Variants in ORC5 observed in about 807,000 individuals in gnomAD.
ORC5 encodes the protein protein phosphatase 1, regulatory subunit 117.
In ORC5, 39 loss-of-function variants were observed where a neutral mutation model predicts 58.8. That is an observed-to-expected ratio of 0.66 (90% confidence interval 0.51 to 0.87). The LOEUF is 0.87. Among genes scored for constraint, ORC5 ranks in the 40% least tolerant of loss-of-function variants. The pLI is 0.00. For missense variants in ORC5, 493 were observed against 506.3 expected, an observed-to-expected ratio of 0.97 and a Z score of 0.25; for synonymous variants, 218 against 177.6, an observed-to-expected ratio of 1.23 and a Z score of -1.81.
At chr7:104,186,161 A>G (rs1452108933) in intron 6 of ORC5, among the ~76,000 whole-genome samples, 2 of 151,814 alleles carry the variant, frequency 1.3e-5, no homozygotes, top group Non-Finnish European at 2.9e-5. Context: ...TAAACAACTG[A>G]CCCTTGAACG....
At chr7:104,164,015 T>C (rs1039780415) in intron 11 of ORC5, among the ~76,000 whole-genome samples, 1 of 152,232 alleles carries the variant, frequency 6.6e-6, no homozygotes, top group Non-Finnish European at 1.5e-5. Flanking sequence ...TGAATAAGGC[T>C]GTTAATCATG....
chr7:104,149,422 TTGTCAAGCTCAAAG>T, intron 12 of ORC5, among the ~76,000 whole-genome samples: 1 of 152,210 alleles, frequency 6.6e-6, no homozygotes. Flanking sequence ...CTTGTCCGTT[TTGTCAAGCTCAAAG>T]TCAAATGAAT....
At chr7:104,163,555 C>T (rs1174476751) in intron 11 of ORC5, among the ~76,000 whole-genome samples, 4 of 152,292 alleles carry the variant, frequency 2.6e-5, no homozygotes, top group African/African-American at 9.6e-5. Context: ...AGCGTGATCT[C>T]GGCTCACTGC....
Position 104,171,420 on chromosome 7 carries a change from G to A in ORC5, c.825-2895C>T, listed in dbSNP as rs562640497. 2.6e-5 allele frequency among the ~76,000 whole-genome samples: 4 copies of A among 152,300 alleles called. No individual in the cohort carries two copies. The East Asian group carries it at 7.7e-4, about 29-fold the overall frequency. Reference sequence around the variant, plus strand: ...AATGGCACAATTACTTAATTCTAAAGTGCTCCCTTCTGGAAAAATAATGAA... The same window carrying A: ...AATGGCACAATTACTTAATTCTAAAATGCTCCCTTCTGGAAAAATAATGAA... On this transcript the variant is annotated intron_variant, in intron 8 of 13. Transcript: ENST00000297431.
chr7:104,149,246 C>T (rs1798808185), intron 12 of ORC5, among the ~76,000 whole-genome samples: 2 of 151,988 alleles, frequency 1.3e-5, no homozygotes, highest in African/African-American at 4.8e-5. Context: ...TTCTGAAACA[C>T]TAGAATCATT....
At chr7:104,139,641 C>T (rs1195667198) in intron 12 of ORC5, among the ~76,000 whole-genome samples, 1 of 151,950 alleles carries the variant, frequency 6.6e-6, no homozygotes, top group Non-Finnish European at 1.5e-5. Flanking sequence ...CATCAAAATA[C>T]AAAGCTCTGC....
Position 104,136,722 on chromosome 7 carries a change from A to G in ORC5, c.1262+59T>C. ...TAAATGTCATGACTAATGACATCAC[A>G]TTTGGAAAACACTAATTTTTATATT... On this transcript the variant is annotated intron_variant, in intron 13 of 13. Coordinates refer to ENST00000297431, the MANE Select transcript of ORC5 (RefSeq NM_002553.4). This position sits in a 1 kb window ranked among gnomAD's most constrained non-coding sequence, Gnocchi z 4.2. 3 of 1,127,276 alleles carry G rather than the reference A, an allele frequency of 2.7e-6. No individual in the cohort carries two copies. The highest frequency in any genetic ancestry group is 4.8e-5 in the East Asian group (2 of 41,342). The allele number at this position is 1,127,276 out of a possible 1,614,324, so 69.8% of individuals were successfully genotyped here.
chr7:104,204,125 A>C lies in ORC5; in HGVS notation c.165+17T>G. The C allele has an allele frequency of 2.5e-5, 35 of 1,379,686 alleles. No individual in the cohort carries two copies. Among genetic ancestry groups the C allele is most frequent in the Non-Finnish European group, 3.3e-5 (33 of 988,164 alleles). 85.5% of individuals were successfully genotyped at this position (1,379,686 alleles called of 1,614,324 possible). On this transcript the variant is annotated intron_variant, in intron 2 of 13. Coordinates refer to ENST00000297431, the MANE Select transcript of ORC5 (RefSeq NM_002553.4). ...CACTAAAAATGGCAAAGAAATATTT[A>C]ATATTTTTATTCTTACCTCTAAAGT...
At chr7:104,188,413 AT>A in intron 5 of ORC5, 32 bp from the exon 6 acceptor site, 2 of 1,581,110 alleles carry the variant, frequency 1.3e-6, no homozygotes, top group Non-Finnish European at 1.7e-6. Flanking sequence ...ACTTATAATG[AT>A]TAACATAGTA....
rs1011858490 is a variant in ORC5 at position 104,173,486 on chromosome 7, G to A, written c.825-4961C>T. 4.6e-5 allele frequency among the ~76,000 whole-genome samples: 7 copies of A among 152,320 alleles called. No individual in the cohort carries two copies. The East Asian group carries it at 7.7e-4, about 17-fold the overall frequency. ...GCAAGATCACCTTCAGAAGGAATCAGCAATTCTTAGAACTGGTATATAGTA... is the reference window on the plus strand; with the variant it reads ...GCAAGATCACCTTCAGAAGGAATCAACAATTCTTAGAACTGGTATATAGTA... On this transcript the variant is annotated intron_variant, in intron 8 of 13. Coordinates refer to ENST00000297431, the MANE Select transcript of ORC5 (RefSeq NM_002553.4).
chr7:104,169,782 A>G (rs1243885027), intron 8 of ORC5, among the ~76,000 whole-genome samples: 3 of 152,088 alleles, frequency 2.0e-5, no homozygotes, highest in Non-Finnish European at 4.4e-5. Flanking sequence ...AACAAGTTTA[A>G]TTTTCCCCTT....
chr7:104,199,453 C>T (rs1799880731), intron 3 of ORC5, among the ~76,000 whole-genome samples: 1 of 152,178 alleles, frequency 6.6e-6, no homozygotes, highest in African/African-American at 2.4e-5. Context: ...ACTCTTGCAT[C>T]AGTGGGCTGG....
At chr7:104,159,276 A>G (rs1440168995) in intron 12 of ORC5, among the ~76,000 whole-genome samples, 1 of 132,588 alleles carries the variant, frequency 7.5e-6, no homozygotes, top group East Asian at 2.3e-4. Flanking sequence ...GAATTGAACA[A>G]TGAGAACACA....
At chr7:104,186,637 TA>T (rs1200882592) in intron 6 of ORC5, among the ~76,000 whole-genome samples, 1 of 152,114 alleles carries the variant, frequency 6.6e-6, no homozygotes, top group Non-Finnish European at 1.5e-5. Flanking sequence ...CTGAAAAGAA[TA>T]TTTTTCAGGT....
intron 11 of ORC5, among the ~76,000 whole-genome samples, chr7:104,163,414 A>G (rs1043933136): frequency 6.6e-6 from 1 of 152,204 alleles, no homozygotes; most frequent in Non-Finnish European, 1.5e-5. Context: ...AGGGTCACTC[A>G]ATTCACAGTT....
At chr7:104,153,120 G>A (rs959700070) in intron 12 of ORC5, among the ~76,000 whole-genome samples, 3 of 151,010 alleles carry the variant, frequency 2.0e-5, no homozygotes, top group East Asian at 3.9e-4. Flanking sequence ...GTGCTTTTTA[G>A]TATCCTTGGT....
chr7:104,183,108 C>T (rs1338698255), intron 8 of ORC5, among the ~76,000 whole-genome samples: 1 of 152,210 alleles, frequency 6.6e-6, no homozygotes, highest in Non-Finnish European at 1.5e-5. Flanking sequence ...GCACTCCAGC[C>T]TGGGCAACAA....
chr7:104,158,297 C>T (rs1406946006), intron 12 of ORC5, among the ~76,000 whole-genome samples: 1 of 152,114 alleles, frequency 6.6e-6, no homozygotes, highest in East Asian at 1.9e-4. Flanking sequence ...AACTGGATCC[C>T]TTCCTTACAC....
At chr7:104,139,766 G>A (rs973912841) in intron 12 of ORC5, among the ~76,000 whole-genome samples, 1 of 151,894 alleles carries the variant, frequency 6.6e-6, no homozygotes, top group Non-Finnish European at 1.5e-5. Flanking sequence ...CAAATGTTAT[G>A]TTCTTTGTTA....
Sources: allele counts gnomAD v4.1 joint callset (sites outside exome capture counted in the v4.1 genomes callset), GRCh38; gene constraint gnomAD v4.1.1; non-coding constraint Gnocchi (gnomAD v3.1); transcripts MANE v1.5; gene names NCBI Gene and HGNC (gene_info 2026-07-23, HGNC 2026-07-21).